The following ZHX2 variants were observed in gnomAD, a reference collection of about 807,000 sequenced individuals.
ZHX2 encodes the protein zinc fingers and homeoboxes protein 2.
A neutral mutation model predicts 21.9 loss-of-function variants in ZHX2; 6 were observed. The observed-to-expected ratio is 0.27, with a 90% CI of 0.15 to 0.54. The LOEUF (loss-of-function observed/expected upper bound fraction) is 0.54, where lower values mean the gene tolerates loss of function less well. Ranked by LOEUF, ZHX2 falls within the 20% of genes least tolerant of loss-of-function variation. The pLI is 0.95. For missense variants in ZHX2, 908 were observed against 1,090.7 expected (o/e 0.83, Z 2.36); for synonymous variants, 434 against 437.1 (o/e 0.99, Z 0.09).
At chr8:122,792,456 G>A (rs1942476130) in intron 1 of ZHX2, among the ~76,000 whole-genome samples, 1 of 152,210 alleles carries the variant, frequency 6.6e-6, no homozygotes, top group Non-Finnish European at 1.5e-5. Flanking sequence ...TTTGTTTAGA[G>A]ATGTGTTTTC....
intron 2 of ZHX2, among the ~76,000 whole-genome samples, chr8:122,866,606 C>T (rs1819304028): frequency 6.6e-6 from 1 of 152,144 alleles, no homozygotes; most frequent in African/African-American, 2.4e-5. Context: ...CTGACATCTG[C>T]CAGGTGGCCA....
chr8:122,888,200 G>T (rs950321732), intron 2 of ZHX2, among the ~76,000 whole-genome samples: 10 of 152,080 alleles, frequency 6.6e-5, no homozygotes, highest in African/African-American at 2.4e-4. Context: ...TGCAGACAGA[G>T]CCTGCAGAGT....
At chr8:122,799,483 A>G (rs1817676497) in intron 1 of ZHX2, among the ~76,000 whole-genome samples, 1 of 152,224 alleles carries the variant, frequency 6.6e-6, no homozygotes, top group African/African-American at 2.4e-5. Context: ...TGAAATGAAA[A>G]TGGGGGAGAT....
At chr8:122,906,742 C>G (rs1820358023) in intron 2 of ZHX2, among the ~76,000 whole-genome samples, 1 of 147,718 alleles carries the variant, frequency 6.8e-6, no homozygotes, top group South Asian at 2.1e-4. Context: ...GCTATCTCAG[C>G]TCACTGCAAC....
chr8:122,786,779 C>T (rs535035197), intron 1 of ZHX2, among the ~76,000 whole-genome samples: 1 of 151,564 alleles, frequency 6.6e-6, no homozygotes, highest in South Asian at 2.1e-4. Context: ...ACATCAGGTA[C>T]CACACGTACG....
chr8:122,930,770 GT>G (rs1820969899), intron 2 of ZHX2, among the ~76,000 whole-genome samples: 4 of 151,962 alleles, frequency 2.6e-5, no homozygotes, highest in African/African-American at 4.8e-5. Flanking sequence ...GAATACAGGT[GT>G]GAGCCACTGT....
chr8:122,845,616 A>G (rs1334105062), intron 1 of ZHX2, among the ~76,000 whole-genome samples: 1 of 152,262 alleles, frequency 6.6e-6, no homozygotes, highest in Admixed American at 6.5e-5. Flanking sequence ...AAGGCATGGA[A>G]ACAAGAGTGT....
rs544567320 is a variant in ZHX2 at position 122,875,581 on chromosome 8, G to A, written c.-220+12042G>A. 4.7e-5 allele frequency among the ~76,000 whole-genome samples: 7 copies of A among 148,188 alleles called. No individual in the cohort carries two copies. The East Asian group carries it at 6.3e-4, about 13-fold the overall frequency. On this transcript the variant is annotated intron_variant, in intron 2 of 3. Transcript: ENST00000314393. ...GATTTGTAGCAACAGCAGCAGCGCC[G>A]GTAGCAACAGCAGGTGCGGTAGTAG...
chr8:122,914,264 T>C (rs1335479492), intron 2 of ZHX2, among the ~76,000 whole-genome samples: 1 of 152,150 alleles, frequency 6.6e-6, no homozygotes, highest in Non-Finnish European at 1.5e-5. Flanking sequence ...CCAGGCAGCC[T>C]GAGTGGAGAT....
intron 1 of ZHX2, among the ~76,000 whole-genome samples, chr8:122,836,826 ATTCATCCCCTTAAGCT>A (rs1161738342): frequency 6.6e-6 from 1 of 152,162 alleles, no homozygotes; most frequent in African/African-American, 2.4e-5. Flanking sequence ...GGGAGGAGTT[ATTCATCCCCTTAAGCT>A]TTCAGGCCCC....
At chr8:122,915,548 G>T (rs1480794411) in intron 2 of ZHX2, among the ~76,000 whole-genome samples, 1 of 152,208 alleles carries the variant, frequency 6.6e-6, no homozygotes, top group Non-Finnish European at 1.5e-5. Context: ...GGGATTTCAT[G>T]TGGAAAATCG....
intron 3 of ZHX2, among the ~76,000 whole-genome samples, chr8:122,961,392 T>A (rs897809636): frequency 6.6e-6 from 1 of 152,242 alleles, no homozygotes; most frequent in African/African-American, 2.4e-5. Context: ...GGGGATATAA[T>A]TCTGTTCATA....
At chr8:122,924,298 C>G (rs1249104481) in intron 2 of ZHX2, among the ~76,000 whole-genome samples, 3 of 152,204 alleles carry the variant, frequency 2.0e-5, no homozygotes, top group African/African-American at 7.2e-5. Flanking sequence ...GCCATCTTCT[C>G]TCAGTGGCTC....
intron 1 of ZHX2, among the ~76,000 whole-genome samples, chr8:122,794,274 CTT>C (rs35074286): frequency 2.0e-4 from 30 of 147,992 alleles, no homozygotes; most frequent in East Asian, 5.9e-4. Flanking sequence ...TTTTTTCCAT[CTT>C]TTTTTTTTTT....
At chr8:122,956,882 C>T (rs533505274) in intron 3 of ZHX2, among the ~76,000 whole-genome samples, 2 of 152,204 alleles carry the variant, frequency 1.3e-5, no homozygotes, top group South Asian at 4.1e-4. Context: ...TCTTCTCTCC[C>T]AAGCTAATAC....
intron 2 of ZHX2, among the ~76,000 whole-genome samples, chr8:122,946,593 T>C (rs535367387): frequency 3.0e-4 from 46 of 152,250 alleles, no homozygotes; most frequent in African/African-American, 9.9e-4. Context: ...ATTTAAATAA[T>C]GCGGGATATG....
intron 1 of ZHX2, among the ~76,000 whole-genome samples, chr8:122,783,387 G>A (rs903089197): frequency 6.6e-6 from 1 of 152,110 alleles, no homozygotes; most frequent in South Asian, 2.1e-4. Flanking sequence ...AGATCTCCAG[G>A]TCTCAGGCAG....
intron 2 of ZHX2, among the ~76,000 whole-genome samples, chr8:122,880,120 C>T (rs1819675997): frequency 6.6e-6 from 1 of 151,708 alleles, no homozygotes; most frequent in African/African-American, 2.4e-5. Context: ...TTACAGGTGC[C>T]GCCACCAAAC....
chr8:122,950,455 G>A (rs548491394), intron 2 of ZHX2, among the ~76,000 whole-genome samples: 166 of 152,192 alleles, frequency 1.1e-3, no homozygotes, highest in African/African-American at 2.5e-3. Flanking sequence ...GAGAGCATTC[G>A]GACAAATACC....
Sources: gnomAD v4.1 joint callset for allele counts (sites outside exome capture counted in the v4.1 genomes callset) on GRCh38, gnomAD v4.1.1 for gene constraint, MANE v1.5 for transcripts, NCBI Gene and HGNC (gene_info 2026-07-23, HGNC 2026-07-21) for gene names.